AK8: variants seen among roughly 807,000 people sequenced by gnomAD.
The protein encoded by AK8 is ATP-AMP transphosphorylase 8.
In AK8, 44 loss-of-function variants were observed where a neutral mutation model predicts 54.6. The observed-to-expected ratio is 0.81, with a 90% CI of 0.63 to 1.04. The LOEUF is 1.04. Among genes scored for constraint, AK8 ranks in the 50% least tolerant of loss-of-function variants. AK8 has a pLI of 0.00. For synonymous variants in AK8, 239 were observed against 245.6 expected, an observed-to-expected ratio of 0.97 and a Z score of 0.25; for missense variants, 555 against 613.6, an observed-to-expected ratio of 0.90 and a Z score of 1.01.
In AK8 at chr9:132,875,179, CAGG is replaced by C; in HGVS notation, c.102_104del (p.Leu35del). The C allele has an allele frequency of 6.2e-7, 1 of 1,614,128 alleles. No individual in the cohort carries two copies. The highest frequency in any genetic ancestry group is 8.5e-7 in the Non-Finnish European group (1 of 1,180,008). ...GGATGGGATCTTCGGGCTGGTGGAT[CAGG>C]AGTTGCTCCAGCATGTTCTGTGGGT... On this transcript the variant is annotated inframe_deletion, in exon 2 of 13. Coordinates refer to ENST00000298545, the MANE Select transcript of AK8 (RefSeq NM_152572.3).
intron 11 of AK8, among the ~76,000 whole-genome samples, chr9:132,783,385 A>C (rs1839562548): frequency 6.6e-6 from 1 of 152,204 alleles, no homozygotes; most frequent in South Asian, 2.1e-4. Context: ...GAAGACAATA[A>C]ATTTGTGTTG....
chr9:132,778,079 C>T (rs1839304096), intron 11 of AK8, among the ~76,000 whole-genome samples: 1 of 152,206 alleles, frequency 6.6e-6, no homozygotes, highest in African/African-American at 2.4e-5. Flanking sequence ...TGCATGGGGG[C>T]TTCCGTTAGG....
rs531363452 is a variant in AK8 at position 132,853,220 on chromosome 9, T to C, written c.402+1637A>G. On this transcript the variant is annotated intron_variant, in intron 5 of 12. Transcript: ENST00000298545. ...TAAAAATACAAAAATAAGCCAGGCA[T>C]GGTGACGCATGCCTGTAATCCCAGC... Among the ~76,000 whole-genome samples, 46 of 151,384 alleles carry C rather than the reference T, an allele frequency of 3.0e-4. 1 individual carries two copies. In the South Asian group the frequency reaches 9.0e-3, roughly 29 times the overall value.
At chr9:132,764,695 C>G (rs1838642017) in intron 11 of AK8, among the ~76,000 whole-genome samples, 1 of 152,126 alleles carries the variant, frequency 6.6e-6, no homozygotes, top group Non-Finnish European at 1.5e-5. Flanking sequence ...ACAGAAAAGC[C>G]CAGGACTTGA....
chr9:132,739,437 GTC>G (rs1404361465), intron 11 of AK8, among the ~76,000 whole-genome samples: 2 of 66,998 alleles, frequency 3.0e-5, no homozygotes, highest in Non-Finnish European at 4.9e-5. Context: ...GAGTGACTCT[GTC>G]TCAAAAAAAA....
chr9:132,836,769 C>T (rs906918585), intron 5 of AK8, among the ~76,000 whole-genome samples: 1 of 152,248 alleles, frequency 6.6e-6, no homozygotes, highest in Non-Finnish European at 1.5e-5. Context: ...CGCCATTTGC[C>T]ATCACTTGGC....
chr9:132,776,207 AG>A (rs1191068982), intron 11 of AK8, among the ~76,000 whole-genome samples: 2 of 152,218 alleles, frequency 1.3e-5, no homozygotes, highest in Non-Finnish European at 2.9e-5. Context: ...CTACAACTCT[AG>A]GGGTGGTGGG....
rs1564402183 is a variant in AK8, at chr9:132,790,045, A to G, written c.1121+2589T>C. ...CAGGGGGCAAAGGTCCTAAGGGTCA[A>G]AATTCTATCTGCCACAAGCAGTAGA... On this transcript the variant is annotated intron_variant, in intron 11 of 12. Transcript: ENST00000298545. This position sits in a 1 kb window ranked among gnomAD's most constrained non-coding sequence, Gnocchi z 4.1. Among the ~76,000 whole-genome samples the G allele has an allele frequency of 6.6e-6, 1 of 152,254 alleles. No homozygotes were observed. Among genetic ancestry groups the G allele is most frequent in the Non-Finnish European group, 1.5e-5 (1 of 68,052 alleles).
At position 132,860,902 on chromosome 9, in the gene AK8, A is replaced by G. The variant is rs1843359904; in HGVS notation, c.333+2763T>C. 6.6e-6 allele frequency among the ~76,000 whole-genome samples: 1 copy of G among 152,152 alleles called. No individual in the cohort carries two copies. Among genetic ancestry groups the G allele is most frequent in the Non-Finnish European group, 1.5e-5 (1 of 68,030 alleles). On this transcript the variant is annotated intron_variant, in intron 4 of 12. Coordinates refer to ENST00000298545, the MANE Select transcript of AK8 (RefSeq NM_152572.3). The surrounding 1 kb of genome is among the most constrained non-coding windows in gnomAD (Gnocchi z 4.4). ...TTGTCCACACTGAATATTCAATCTCAGTAGATCTGGACTAAAACACCCATG... is the reference window on the plus strand; with the variant it reads ...TTGTCCACACTGAATATTCAATCTCGGTAGATCTGGACTAAAACACCCATG...
intron 12 of AK8, among the ~76,000 whole-genome samples, chr9:132,726,914 T>C (rs1414702303): frequency 8.3e-6 from 1 of 120,922 alleles, no homozygotes; most frequent in African/African-American, 3.2e-5. Flanking sequence ...TACCAAGAAA[T>C]GTGACCCTGA....
chr9:132,778,424 T>C (rs1316311199), intron 11 of AK8, among the ~76,000 whole-genome samples: 4 of 152,160 alleles, frequency 2.6e-5, no homozygotes, highest in Non-Finnish European at 5.9e-5. Context: ...TTATTATCCA[T>C]AGTCCGCATA....
chr9:132,842,130 A>G (rs528696958), intron 5 of AK8, among the ~76,000 whole-genome samples: 1 of 152,340 alleles, frequency 6.6e-6, no homozygotes, highest in East Asian at 1.9e-4. Context: ...AATCTCCCCA[A>G]AGAAGCCTGA....
At chr9:132,784,597 T>C (rs945636232) in intron 11 of AK8, among the ~76,000 whole-genome samples, 4 of 151,990 alleles carry the variant, frequency 2.6e-5, no homozygotes, top group Admixed American at 2.6e-4. Flanking sequence ...TCTGGCAAGA[T>C]GTCAGAGGCT....
At chr9:132,777,580 C>T (rs1461519504) in intron 11 of AK8, among the ~76,000 whole-genome samples, 3 of 152,190 alleles carry the variant, frequency 2.0e-5, no homozygotes, top group Non-Finnish European at 4.4e-5. Context: ...ATCATTCCCA[C>T]CCATACATAT....
chr9:132,866,670 C>T (rs577898012), intron 3 of AK8, among the ~76,000 whole-genome samples: 17 of 152,258 alleles, frequency 1.1e-4, no homozygotes, highest in South Asian at 2.1e-4. Context: ...AAGGTGTCTC[C>T]GAGCATGCTA....
At chr9:132,855,052 C>G (rs995110334) in intron 4 of AK8, 127 bp from the exon 5 acceptor site, 2 of 856,992 alleles carry the variant, frequency 2.3e-6, no homozygotes, top group Admixed American at 2.0e-5. Context: ...CGGGCCCCGC[C>G]CTTCCTCCAC....
chr9:132,834,571 C>G (rs1202270251), intron 5 of AK8, among the ~76,000 whole-genome samples: 1 of 152,196 alleles, frequency 6.6e-6, no homozygotes, highest in Admixed American at 6.5e-5. Context: ...GAACCCGTTA[C>G]CCCTTAACTT....
At chr9:132,728,130 C>T (rs951580762) in intron 11 of AK8, among the ~76,000 whole-genome samples, 2 of 152,214 alleles carry the variant, frequency 1.3e-5, no homozygotes, top group Non-Finnish European at 2.9e-5. Context: ...ACTCTCGTCA[C>T]CCCAGACGAG....
intron 10 of AK8, among the ~76,000 whole-genome samples, chr9:132,801,719 T>C (rs1055509272): frequency 1.3e-5 from 2 of 152,248 alleles, no homozygotes; most frequent in African/African-American, 4.8e-5. Context: ...ACCAAGCATG[T>C]ATGCTACAGT....
Sources: allele counts gnomAD v4.1 joint callset (sites outside exome capture counted in the v4.1 genomes callset), GRCh38; gene constraint gnomAD v4.1.1; non-coding constraint Gnocchi (gnomAD v3.1); transcripts MANE v1.5; gene names NCBI Gene and HGNC (gene_info 2026-07-23, HGNC 2026-07-21).